Variants in TNR observed in about 807,000 individuals in gnomAD.
TNR encodes the protein tenascin-R.
A neutral mutation model predicts 150.4 loss-of-function variants in TNR; 45 were observed. That is an observed-to-expected ratio of 0.30 (90% CI 0.24 to 0.38). TNR has a LOEUF of 0.38. Among genes scored for constraint, TNR ranks in the 10% least tolerant of loss-of-function variants. The pLI is 1.00. For synonymous variants in TNR, 687 were observed against 678.4 expected (o/e 1.01, Z -0.20); for missense variants, 1,544 against 1,759.1 (o/e 0.88, Z 2.19).
rs1329497864 is a variant in TNR at position 175,316,512 on chromosome 1, AATAAT to A, written c.*6840_*6844del. 6.6e-6 allele frequency: 1 copy of A among 152,254 alleles called. No individual in the cohort carries two copies. Among genetic ancestry groups the A allele is most frequent in the Non-Finnish European group, 1.5e-5 (1 of 68,044 alleles). The allele number at this position is 152,254 out of a possible 1,614,324, so 9.4% of individuals were successfully genotyped here. A position where few individuals can be genotyped will look rare whatever the true frequency, so the allele number is the denominator to read the frequency against. ...CTATCCATACTGGTTTGAATACACT[AATAAT>A]ATAATCCTTTCTTCCCAAATTCTGG... On this transcript the variant is annotated 3_prime_UTR_variant, in exon 23 of 23. Transcript: ENST00000367674.
chr1:175,482,387 A>G (rs1274407610), intron 2 of TNR, among the ~76,000 whole-genome samples: 3 of 152,244 alleles, frequency 2.0e-5, no homozygotes, highest in Non-Finnish European at 4.4e-5. Flanking sequence ...GCTGAACATA[A>G]TGAACCAGAG....
chr1:175,387,541 A>G (rs948686909), intron 7 of TNR, among the ~76,000 whole-genome samples: 1 of 152,198 alleles, frequency 6.6e-6, no homozygotes, highest in African/African-American at 2.4e-5. Context: ...TTCTAGAAAG[A>G]TATATGGAAT....
intron 2 of TNR, among the ~76,000 whole-genome samples, chr1:175,422,753 T>C (rs1157654226): frequency 6.6e-6 from 1 of 152,186 alleles, no homozygotes; most frequent in Non-Finnish European, 1.5e-5. Flanking sequence ...CACTCCCCAA[T>C]TGTCTTTCCC....
chr1:175,666,413 CA>C (rs1460830965), intron 1 of TNR, among the ~76,000 whole-genome samples: 2 of 152,188 alleles, frequency 1.3e-5, no homozygotes, highest in African/African-American at 4.8e-5. Context: ...TCCAAACCAC[CA>C]GAGCTCCAGG....
chr1:175,491,852 T>G (rs1333411734), intron 2 of TNR, among the ~76,000 whole-genome samples: 1 of 151,990 alleles, frequency 6.6e-6, no homozygotes, highest in East Asian at 1.9e-4. Context: ...GGTTTCACTG[T>G]GTTAGCCAGG....
At chr1:175,385,852 G>A (rs1035838402) in intron 8 of TNR, among the ~76,000 whole-genome samples, 180 bp downstream of exon 8, 3 of 152,136 alleles carry the variant, frequency 2.0e-5, no homozygotes, top group Non-Finnish European at 2.9e-5. Context: ...TCCTAGTGAG[G>A]GAGCGCTGCT....
chr1:175,588,004 G>A (rs140084073), intron 1 of TNR, among the ~76,000 whole-genome samples: 4 of 152,176 alleles, frequency 2.6e-5, no homozygotes, highest in Non-Finnish European at 5.9e-5. Flanking sequence ...AGATGGCCAG[G>A]AGTGAATGAT....
At chr1:175,361,419 T>C (rs1418633443) in intron 14 of TNR, among the ~76,000 whole-genome samples, 1 of 152,188 alleles carries the variant, frequency 6.6e-6, no homozygotes, top group Non-Finnish European at 1.5e-5. Flanking sequence ...TGTTGATATT[T>C]TAATGGTCAC....
rs143850266 is a variant in TNR, at chr1:175,360,501, T to C, written c.2855-770A>G. 2.6e-3 allele frequency among the ~76,000 whole-genome samples: 401 copies of C among 152,364 alleles called. 4 individuals are homozygous for C. The highest frequency in any genetic ancestry group is 3.8e-3 in the Non-Finnish European group (259 of 68,034). The stretch of plus-strand genomic sequence containing the variant: ...GTCTTACTTGCCCATGCTCTAAGTC[T>C]TTGCTTTATTACTGTGCTTCTCTTC... On this transcript the variant is annotated intron_variant, in intron 14 of 22. Coordinates refer to ENST00000367674, the MANE Select transcript of TNR (RefSeq NM_003285.3).
At chr1:175,577,054 T>C (rs1662146537) in intron 1 of TNR, among the ~76,000 whole-genome samples, 1 of 152,074 alleles carries the variant, frequency 6.6e-6, no homozygotes, top group African/African-American at 2.4e-5. Context: ...CCCCACACCA[T>C]ATGCAGGGTG....
intron 2 of TNR, among the ~76,000 whole-genome samples, chr1:175,499,743 T>C (rs1571526788): frequency 1.3e-5 from 2 of 152,188 alleles, no homozygotes; most frequent in South Asian, 2.1e-4. Context: ...GCCCTCGAAG[T>C]CCTTCTGGAG....
chr1:175,516,215 A>G (rs553125121), intron 2 of TNR, among the ~76,000 whole-genome samples: 21 of 152,352 alleles, frequency 1.4e-4, no homozygotes, highest in African/African-American at 4.6e-4. Context: ...AATGATTAAC[A>G]TAAGAGGAAG....
At chr1:175,565,238 G>T (rs1452542528) in intron 1 of TNR, among the ~76,000 whole-genome samples, 1 of 152,276 alleles carries the variant, frequency 6.6e-6, no homozygotes, top group East Asian at 1.9e-4. Flanking sequence ...GCGAGGATAC[G>T]TTGCTTCTTT....
In TNR at chr1:175,349,047, A is replaced by G. The variant is rs531603482; in HGVS notation, c.3382+5344T>C. On this transcript the variant is annotated intron_variant, in intron 18 of 22. Transcript: ENST00000367674. ...CAACTAGAAAAATGAGATATAAATT[A>G]TCTCTATGAGATTATCAAAAATGAC... Among the ~76,000 whole-genome samples, 5 of 152,316 alleles carry G rather than the reference A, an allele frequency of 3.3e-5. No individual in the cohort carries two copies. In the South Asian group the frequency reaches 6.2e-4, roughly 19 times the overall value.
intron 2 of TNR, 62 bp from the exon 3 acceptor site, chr1:175,406,839 G>T: frequency 7.6e-7 from 1 of 1,308,424 alleles, no homozygotes; most frequent in Non-Finnish European, 1.0e-6. Context: ...CCATGGCTCT[G>T]CACAAGCCTA....
At chr1:175,460,165 A>G (rs859376) in intron 2 of TNR, among the ~76,000 whole-genome samples, 104,961 of 151,914 alleles carry the variant, frequency 0.69, 36,654 homozygotes, top group African/African-American at 0.8. Context: ...TGAAGGTGTG[A>G]GAGGGGAGGC....
intron 5 of TNR, among the ~76,000 whole-genome samples, chr1:175,395,806 A>G (rs1653399877): frequency 6.6e-6 from 1 of 152,180 alleles, no homozygotes; most frequent in Non-Finnish European, 1.5e-5. Context: ...AGTGTTAATA[A>G]TTGTTATGTA....
chr1:175,491,645 T>A (rs1658256105), intron 2 of TNR, among the ~76,000 whole-genome samples: 1 of 46,072 alleles, frequency 2.2e-5, no homozygotes, highest in Non-Finnish European at 4.4e-5. Flanking sequence ...GCCCAGACTT[T>A]TTTTTTTTTT....
chr1:175,572,092 T>C (rs1273943147), intron 1 of TNR, among the ~76,000 whole-genome samples: 1 of 152,100 alleles, frequency 6.6e-6, no homozygotes, highest in East Asian at 1.9e-4. Context: ...CTTCTACACC[T>C]GGATTGGACA....
Sources: allele counts gnomAD v4.1 joint callset (sites outside exome capture counted in the v4.1 genomes callset), GRCh38; gene constraint gnomAD v4.1.1; transcripts MANE v1.5; gene names NCBI Gene and HGNC (gene_info 2026-07-23, HGNC 2026-07-21).